Variants in BEST3 observed in about 807,000 individuals in gnomAD.
The protein encoded by BEST3 is bestrophin-3.
Under a neutral mutation model 47.1 loss-of-function variants are expected in BEST3, and 50 were observed. The observed-to-expected ratio is 1.06, with a 90% CI of 0.85 to 1.34. The LOEUF (loss-of-function observed/expected upper bound fraction) is 1.34. BEST3 is among the 40% of genes most tolerant of loss of function. The probability of loss-of-function intolerance (pLI) is 0.00; values close to 1 mark genes in which losing one functional copy is unlikely to be tolerated. For synonymous variants in BEST3, 282 were observed against 298.8 expected, an observed-to-expected ratio of 0.94 and a Z score of 0.58; for missense variants, 765 against 817.0, an observed-to-expected ratio of 0.94 and a Z score of 0.78.
At chr12:69,693,263 CTTT>C (rs61067334) in intron 4 of BEST3, among the ~76,000 whole-genome samples, 2 of 112,564 alleles carry the variant, frequency 1.8e-5, no homozygotes, top group Admixed American at 9.6e-5. Context: ...TTTCTTTTTT[CTTT>C]TTTTTTTTTT....
In BEST3 at chr12:69,655,276, C is replaced by A. The variant is rs368270446; in HGVS notation, c.1638G>T (p.Met546Ile). ...PSKTEQQQGP[M>I]GSILSPSEKE... ...TCTCTGAGGGAGACAGGATGGATCC[C>A]ATGGGGCCCTGCTGCTGCTCAGTCT... is the stretch of plus-strand genomic sequence containing the variant. The change falls in exon 10 of 10, where the codon ATG (methionine) becomes ATT (isoleucine). Residue 546 changes from methionine to isoleucine, a missense_variant. By Grantham distance (10) the Met-to-Ile change is conservative. Transcript: ENST00000330891. 2 of 1,614,046 alleles carry A rather than the reference C, an allele frequency of 1.2e-6. No homozygotes were observed. Among genetic ancestry groups the A allele is most frequent in the Non-Finnish European group, 1.7e-6 (2 of 1,180,026 alleles).
chr12:69,655,049 T>C lies in BEST3; in HGVS notation c.1865A>G (p.Glu622Gly), dbSNP rs17106884. The part of the protein sequence containing the change: ...SSQPALLIDT[E>G]TSSEISGINI... Reference sequence around the variant, plus strand: ...GATCCCACTGATCTCTGAGGATGTTTCTGTGTCAATTAAAAGAGCTGGCTG... The same window carrying C: ...GATCCCACTGATCTCTGAGGATGTTCCTGTGTCAATTAAAAGAGCTGGCTG... Residue 622 changes from glutamate (E) to glycine (G), a missense_variant, in exon 10 of 10, where the codon GAA (glutamate) becomes GGA (glycine). Physicochemically the swap from Glu to Gly is moderately conservative, Grantham distance 98. Transcript: ENST00000330891. The C allele has an allele frequency of 0.033, 53,252 of 1,614,104 alleles. 1,084 individuals are homozygous for C. The highest frequency in any genetic ancestry group is 0.083 in the African/African-American group (6,201 of 75,012).
At chr12:69,672,334 C>T (rs1436350062) in intron 8 of BEST3, among the ~76,000 whole-genome samples, 1 of 152,190 alleles carries the variant, frequency 6.6e-6, no homozygotes, top group African/African-American at 2.4e-5. Context: ...AAGGAAAATT[C>T]CTTAGTGCTG....
intron 4 of BEST3, among the ~76,000 whole-genome samples, chr12:69,689,770 A>G (rs890359682): frequency 6.6e-6 from 1 of 152,146 alleles, no homozygotes; most frequent in Non-Finnish European, 1.5e-5. Context: ...TGTTACATCC[A>G]AGCAGGTGGA....
chr12:69,657,515 C>T (rs1304767034), intron 9 of BEST3, among the ~76,000 whole-genome samples: 2 of 152,158 alleles, frequency 1.3e-5, no homozygotes, highest in Non-Finnish European at 2.9e-5. Context: ...TGCCACACAT[C>T]TCTGTGGAAT....
chr12:69,649,136 C>T (rs895157038), downstream of BEST3, among the ~76,000 whole-genome samples: 19 of 152,140 alleles, frequency 1.2e-4, no homozygotes, highest in Non-Finnish European at 2.6e-4. Context: ...TGGGATTACA[C>T]GTGTGCGCCA....
chr12:69,693,245 CT>C (rs71094730), intron 4 of BEST3, among the ~76,000 whole-genome samples: 27 of 136,694 alleles, frequency 2.0e-4, no homozygotes, highest in South Asian at 6.9e-4. Flanking sequence ...CTCTCTCTCT[CT>C]TTTTTTTTTC....
At chr12:69,684,296 A>G in intron 4 of BEST3, 2 of 375,650 alleles carry the variant, frequency 5.3e-6, no homozygotes, top group Non-Finnish European at 4.7e-6. Flanking sequence ...AGTAAAATCT[A>G]TCTCTCAATA....
chr12:69,672,756 A>T, intron 8 of BEST3, 129 bp downstream of exon 8: 1 of 659,420 alleles, frequency 1.5e-6, no homozygotes, highest in Non-Finnish European at 2.6e-6. Flanking sequence ...CACAGTGCAC[A>T]GCCAAGCCTC....
At chr12:69,649,292 C>T (rs570608290), downstream of BEST3, among the ~76,000 whole-genome samples, 6 of 152,324 alleles carry the variant, frequency 3.9e-5, no homozygotes, top group African/African-American at 9.6e-5. Flanking sequence ...GCCACTGTGC[C>T]GGATTTGTTG....
chr12:69,671,157 T>C (rs570088790), intron 9 of BEST3, among the ~76,000 whole-genome samples: 2 of 152,288 alleles, frequency 1.3e-5, no homozygotes, highest in Non-Finnish European at 2.9e-5. Flanking sequence ...ATTTTAATTT[T>C]CGTGAATTAA....
At chr12:69,671,744 A>G (rs1437520761) in intron 8 of BEST3, among the ~76,000 whole-genome samples, 165 bp from the exon 9 acceptor site, 1 of 152,076 alleles carries the variant, frequency 6.6e-6, no homozygotes, top group Non-Finnish European at 1.5e-5. Flanking sequence ...TGCCACAGAG[A>G]GTTGTATCTG....
intron 4 of BEST3, among the ~76,000 whole-genome samples, chr12:69,688,122 G>A (rs919161514): frequency 2.0e-5 from 3 of 152,142 alleles, no homozygotes; most frequent in African/African-American, 7.2e-5. Flanking sequence ...TTCCTCTCCT[G>A]ATGCTTGTAA....
rs1883325481 is a variant in BEST3 at position 69,654,356 on chromosome 12, A to C, written c.*551T>G. ...TGTTCTGGTGCTGATGAAGCTTAAG[A>C]ATCAGGAAGTGATAATAACAATAAT... is the stretch of plus-strand genomic sequence containing the variant. On this transcript the variant is annotated 3_prime_UTR_variant, in exon 10 of 10. Coordinates refer to ENST00000330891, the MANE Select transcript of BEST3 (RefSeq NM_032735.3). The C allele has an allele frequency of 4.1e-6, 4 of 985,214 alleles. No individual in the cohort carries two copies. The highest frequency in any genetic ancestry group is 3.5e-5 in the African/African-American group (2 of 57,352). The allele number at this position is 985,214 out of a possible 1,614,324, so 61.0% of individuals were successfully genotyped here.
intron 9 of BEST3, among the ~76,000 whole-genome samples, chr12:69,658,917 G>A (rs1344765417): frequency 2.0e-5 from 3 of 152,170 alleles, no homozygotes; most frequent in Non-Finnish European, 2.9e-5. Flanking sequence ...GGAGACAGAG[G>A]GCAGCTGTGG....
chr12:69,671,621 T>C (rs1428322908), intron 8 of BEST3, 42 bp from the exon 9 acceptor site: 3 of 1,599,878 alleles, frequency 1.9e-6, no homozygotes, highest in Non-Finnish European at 2.6e-6. Context: ...CAGATGTAAA[T>C]TAAATAAAAA....
chr12:69,667,386 C>T (rs1442263989), intron 9 of BEST3, among the ~76,000 whole-genome samples: 1 of 152,122 alleles, frequency 6.6e-6, no homozygotes, highest in Non-Finnish European at 1.5e-5. Flanking sequence ...CCTCCTCTGC[C>T]TCCTGGATTC....
Position 69,655,420 on chromosome 12 carries a change from T to C in BEST3, c.1494A>G (p.Pro498=), listed in dbSNP as rs758532451. ...CTGTGATCAATACCTCAGGTACCAGTGGCATTTTGATGGGGGAAGTTCTCA... is the reference window on the plus strand; with the variant it reads ...CTGTGATCAATACCTCAGGTACCAGCGGCATTTTGATGGGGGAAGTTCTCA... ...SSVRTSPIKM[P]LVPEVLITAA... is the part of the protein sequence containing the mutation. Residue 498 remains proline (P), a synonymous_variant, in exon 10 of 10, where the codon CCA becomes CCG. Transcript: ENST00000330891. The C allele has an allele frequency of 3.7e-6, 6 of 1,614,116 alleles. No homozygotes were observed. Among genetic ancestry groups the C allele is most frequent in the Non-Finnish European group, 5.1e-6 (6 of 1,180,006 alleles).
In BEST3 at chr12:69,663,980, C is replaced by T. The variant is rs111640104; in HGVS notation, c.1100+7448G>A. 1.7e-3 allele frequency among the ~76,000 whole-genome samples: 255 copies of T among 152,316 alleles called. 2 individuals carry two copies. The highest frequency in any genetic ancestry group is 5.7e-3 in the African/African-American group (238 of 41,580). ...AGAATTCACACAAGAAATACTTTTT[C>T]ATTGCTTATTAACTCATAAAATGGC... On this transcript the variant is annotated intron_variant, in intron 9 of 9. Coordinates refer to ENST00000330891, the MANE Select transcript of BEST3 (RefSeq NM_032735.3).
Sources: allele counts gnomAD v4.1 joint callset (sites outside exome capture counted in the v4.1 genomes callset), GRCh38; gene constraint gnomAD v4.1.1; transcripts MANE v1.5; gene names NCBI Gene and HGNC (gene_info 2026-07-23, HGNC 2026-07-21).